Variants in HCCS observed in about 807,000 individuals in gnomAD.
HCCS encodes the protein holocytochrome c-type synthase.
A neutral mutation model predicts 24.2 loss-of-function variants in HCCS; 2 were observed. The ratio of observed to expected loss-of-function variants is 0.08; its 90% CI spans 0.03 to 0.26. The LOEUF is 0.26. Ranked by LOEUF, HCCS falls within the 10% of genes least tolerant of loss-of-function variation. HCCS has a pLI of 1.00. For synonymous variants in HCCS, 73 were observed against 76.2 expected (o/e 0.96, Z 0.22); for missense variants, 150 against 213.3 (o/e 0.70, Z 1.85).
chrX:11,119,877 T>C, intron 5 of HCCS: 1 of 251,830 alleles, frequency 4.0e-6, no homozygotes, highest in Non-Finnish European at 7.4e-6. Flanking sequence ...AAAGGGAATT[T>C]CAGTTTGTCA....
intron 2 of HCCS, 46 bp downstream of exon 2, chrX:11,112,206 G>A (rs1306352678): frequency 2.0e-6 from 2 of 996,214 alleles, no homozygotes; most frequent in Non-Finnish European, 2.8e-6. Flanking sequence ...GATAATTCAC[G>A]GCTGGGTGCG....
intron 2 of HCCS, among the ~76,000 whole-genome samples, chrX:11,112,971 A>AT (rs759433272): frequency 1.9e-4 from 21 of 113,000 alleles, no homozygotes; most frequent in Non-Finnish European, 3.2e-4. Context: ...CTTAGTCTAG[A>AT]TCTAGCTGTC....
chrX:11,113,023 C>T (rs1171042375), intron 2 of HCCS, among the ~76,000 whole-genome samples: 2 of 112,852 alleles, frequency 1.8e-5, no homozygotes, highest in Non-Finnish European at 3.7e-5. Context: ...TCAGTATTTT[C>T]GTATATAAAA....
chrX:11,114,761 C>G, intron 2 of HCCS, 74 bp from the exon 3 acceptor site: 1 of 961,133 alleles, frequency 1.0e-6, no homozygotes, highest in Non-Finnish European at 1.5e-6. Context: ...AAATTCAGCT[C>G]TTTAGTGCTC....
chrX:11,118,070 G>A (rs770527379), intron 4 of HCCS, among the ~76,000 whole-genome samples: 1 of 112,302 alleles, frequency 8.9e-6, no homozygotes, highest in African/African-American at 3.2e-5. Flanking sequence ...CTGTGGCATA[G>A]TCAGGTTGAC....
rs893541052 is a variant in HCCS, at chrX:11,122,164, C to G, written c.*354C>G. On this transcript the variant is annotated 3_prime_UTR_variant, in exon 7 of 7. Transcript: ENST00000380762. ...AGTTGCTTTTTTTTCTTACTATTTT[C>G]TCAGGAATACTCCAGAGATGTAAAG... 1.1e-5 allele frequency: 2 copies of G among 187,378 alleles called. No homozygotes were observed. Among genetic ancestry groups the G allele is most frequent in the African/African-American group, 3.0e-5 (1 of 32,967 alleles). The allele number at this position is 187,378 out of a possible 1,213,427, so 15.4% of individuals were successfully genotyped here.
intron 2 of HCCS, among the ~76,000 whole-genome samples, chrX:11,112,791 C>T (rs1476083609): frequency 8.9e-6 from 1 of 112,898 alleles, no homozygotes; most frequent in Non-Finnish European, 1.9e-5. Context: ...GGCAATCCCC[C>T]CTTCCCACAG....
chrX:11,115,037 A>G, intron 3 of HCCS, 51 bp downstream of exon 3: 1 of 1,066,671 alleles, frequency 9.4e-7, no homozygotes, highest in East Asian at 3.0e-5. Flanking sequence ...AGGGTTGCTT[A>G]TACAGACTCC....
chrX:11,112,240 T>G, intron 2 of HCCS, 80 bp downstream of exon 2: 1 of 761,718 alleles, frequency 1.3e-6, no homozygotes, highest in Non-Finnish European at 2.0e-6. Context: ...GTGACAGCAC[T>G]TTGGGAGGCC....
chrX:11,112,493 G>A (rs1440902495), intron 2 of HCCS, among the ~76,000 whole-genome samples: 1 of 111,783 alleles, frequency 8.9e-6, no homozygotes, highest in Non-Finnish European at 1.9e-5. Flanking sequence ...AAAAAGTCTG[G>A]AAAGCCTCTA....
intron 3 of HCCS, chrX:11,116,108 G>A (rs1009499748): frequency 1.8e-5 from 2 of 112,593 alleles, no homozygotes; most frequent in African/African-American, 6.5e-5. Flanking sequence ...CTAGCCAACT[G>A]AAGCAGTGGG....
Position 11,118,588 on chromosome X carries a change from G to A in HCCS, c.489G>A (p.Lys163=), listed in dbSNP as rs191041384. The A allele has an allele frequency of 2.0e-5, 24 of 1,205,025 alleles. No homozygotes were observed. The highest frequency in any genetic ancestry group is 5.2e-5 in the African/African-American group (3 of 57,264). The change falls in exon 5 of 7, where the codon AAG becomes AAA. Residue 163 remains lysine, a synonymous_variant. Transcript: ENST00000380762. ...IHNQNNEQAW[K]EILKWEALHA... Reference sequence around the variant, plus strand: ...ATCAGAATAACGAGCAGGCTTGGAAGGAGATTTTGAAGTGGGAAGCCCTTC... The same window carrying A: ...ATCAGAATAACGAGCAGGCTTGGAAAGAGATTTTGAAGTGGGAAGCCCTTC...
chrX:11,117,156 T>C, intron 3 of HCCS, 111 bp from the exon 4 acceptor site: 6 of 668,783 alleles, frequency 9.0e-6, no homozygotes, highest in African/African-American at 2.1e-5. Flanking sequence ...ATGTCACTGA[T>C]TTAATAAGTA....
chrX:11,118,699 T>G, intron 5 of HCCS, 79 bp downstream of exon 5: 2 of 1,025,414 alleles, frequency 2.0e-6, no homozygotes, highest in Non-Finnish European at 1.4e-6. Context: ...AACATTCAAA[T>G]CATTTGTTCT....
chrX:11,113,433 T>C (rs1326439226), intron 2 of HCCS, among the ~76,000 whole-genome samples: 1 of 112,375 alleles, frequency 8.9e-6, no homozygotes, highest in Non-Finnish European at 1.9e-5. Context: ...TCAAGGAAAC[T>C]AAGACTTGGA....
intron 4 of HCCS, among the ~76,000 whole-genome samples, chrX:11,118,010 C>T (rs1261952285): frequency 8.9e-6 from 1 of 112,146 alleles, no homozygotes; most frequent in African/African-American, 3.2e-5. Context: ...ATTCAAAAAA[C>T]ACCCTCACAG....
intron 3 of HCCS, among the ~76,000 whole-genome samples, 169 bp from the exon 4 acceptor site, chrX:11,117,098 A>G (rs1431445005): frequency 1.8e-5 from 2 of 112,745 alleles, no homozygotes; most frequent in Non-Finnish European, 3.7e-5. Context: ...AACCTCAGTA[A>G]TGTGACTCTT....
intron 3 of HCCS, chrX:11,116,214 C>G (rs2147251203): frequency 8.9e-6 from 1 of 112,373 alleles, no homozygotes; most frequent in Non-Finnish European, 1.9e-5. Context: ...ACTTTTCTAG[C>G]GTTTAAGCTA....
rs1485794449 is a variant in HCCS, at chrX:11,121,639, T to C, written c.636T>C (p.Asp212=). The change falls in exon 7 of 7, where the codon GAT becomes GAC. Residue 212 remains aspartate, a synonymous_variant. Transcript: ENST00000380762. Reference sequence around the variant, plus strand: ...ATGAGTTGCCTTTTGATAGGCACGATTGGATCATAAACCGTTGCGGGACAG... The same window carrying C: ...ATGAGTTGCCTTTTGATAGGCACGACTGGATCATAAACCGTTGCGGGACAG... ...MGYELPFDRH[D]WIINRCGTEV... 4.1e-6 allele frequency: 5 copies of C among 1,210,956 alleles called. No individual in the cohort carries two copies. The highest frequency in any genetic ancestry group is 5.6e-6 in the Non-Finnish European group (5 of 894,693).
Sources: allele counts gnomAD v4.1 joint callset (sites outside exome capture counted in the v4.1 genomes callset), GRCh38; gene constraint gnomAD v4.1.1; transcripts MANE v1.5; gene names NCBI Gene and HGNC (gene_info 2026-07-23, HGNC 2026-07-21).